JAML: variants seen among roughly 807,000 people sequenced by gnomAD.
The protein encoded by JAML is junction adhesion molecule like.
In JAML, 25 loss-of-function variants were observed where a neutral mutation model predicts 39.3. The ratio of observed to expected loss-of-function variants is 0.64; its 90% confidence interval spans 0.46 to 0.89. JAML has a LOEUF of 0.89. JAML is among the 40% of genes least tolerant of loss of function. The pLI is 0.00. For synonymous variants in JAML, 162 were observed against 179.2 expected (o/e 0.90, Z 0.77); for missense variants, 440 against 486.9 (o/e 0.90, Z 0.91).
At chr11:118,224,206 C>T (rs12295438) in intron 1 of JAML, 32,199 of 152,128 alleles carry the variant, frequency 0.21, 3,508 homozygotes, top group Middle Eastern at 0.28. Flanking sequence ...TAGGTCACAT[C>T]GGTTAATGCT....
intron 8 of JAML, chr11:118,197,500 T>C (rs1948683531): frequency 6.5e-6 from 1 of 153,198 alleles, no homozygotes; most frequent in Non-Finnish European, 1.5e-5. Flanking sequence ...AGAAAAGTCC[T>C]TCTTAATCCT....
intron 5 of JAML, chr11:118,204,814 A>G (rs964625426): frequency 6.6e-6 from 1 of 152,214 alleles, no homozygotes; most frequent in African/African-American, 2.4e-5. Flanking sequence ...TATTCTTCAT[A>G]TAGCAGATTC....
Position 118,200,594 on chromosome 11 carries a change from G to A in JAML, c.791C>T (p.Ala264Val). Residue 264 changes from alanine to valine, a missense_variant, in exon 7 of 10, where the codon GCC becomes GTC. Ala to Val is a moderately conservative substitution (Grantham distance 64). Coordinates refer to ENST00000356289, the MANE Select transcript of JAML (RefSeq NM_001098526.2). ...ACCACCCAAGACCAGAGGCCTCAGG[G>A]CTGCCGGGGTCACCAGTGCTTGGGA... ...EEPRTLVTPA[A>V]LRPLVLGGNQ... 1 of 1,614,104 alleles carries A rather than the reference G, an allele frequency of 6.2e-7. No homozygotes were observed. Among genetic ancestry groups the A allele is most frequent in the Non-Finnish European group, 8.5e-7 (1 of 1,180,014 alleles).
intron 6 of JAML, chr11:118,200,841 G>A: frequency 2.2e-6 from 1 of 457,838 alleles, no homozygotes; most frequent in Admixed American, 3.5e-5. Flanking sequence ...GAAGAGGCTA[G>A]CAGTTCACCT....
Position 118,222,109 on chromosome 11 carries a change from A to C in JAML, c.-21+2832T>G, listed in dbSNP as rs1949216114. Among the ~76,000 whole-genome samples the C allele has an allele frequency of 6.6e-6, 1 of 152,220 alleles. No homozygotes were observed. The highest frequency in any genetic ancestry group is 2.4e-5 in the African/African-American group (1 of 41,448). On this transcript the variant is annotated intron_variant, in intron 1 of 9. Transcript: ENST00000356289. The surrounding 1 kb of genome is among the most constrained non-coding windows in gnomAD (Gnocchi z 4.2). ...GACGATATTTGGGCTGTATGTATAC[A>C]GATATTGTTTTAAAAGCCCCTGCTG...
intron 3 of JAML, among the ~76,000 whole-genome samples, chr11:118,211,463 G>T (rs536732737): frequency 6.6e-6 from 1 of 152,164 alleles, no homozygotes; most frequent in South Asian, 2.1e-4. Context: ...GCCCATGCTG[G>T]TCTCAAACTC....
At chr11:118,195,297 G>T (rs1225954932) in intron 9 of JAML, among the ~76,000 whole-genome samples, 1 of 152,034 alleles carries the variant, frequency 6.6e-6, no homozygotes, top group African/African-American at 2.4e-5. Context: ...TGTTTCACTC[G>T]GTGGATCCAG....
At chr11:118,205,202 T>C (rs1159628407) in intron 5 of JAML, 1 of 152,258 alleles carries the variant, frequency 6.6e-6, no homozygotes, top group Non-Finnish European at 1.5e-5. Context: ...TTATAAAAGT[T>C]AGTCTTTACT....
Position 118,199,693 on chromosome 11 carries a change from A to ATT in JAML, c.911+779_911+780dup, listed in dbSNP as rs34379845. ...TTAAAAGCACATTATTATTATTATTATTTTTTTTTTTTTTTTTTTTTGAGA... is the reference window on the plus strand; with the variant it reads ...TTAAAAGCACATTATTATTATTATTATTTTTTTTTTTTTTTTTTTTTTTGAGA... On this transcript the variant is annotated intron_variant, in intron 7 of 9. Coordinates refer to ENST00000356289, the MANE Select transcript of JAML (RefSeq NM_001098526.2). 1.1e-4 allele frequency among the ~76,000 whole-genome samples: 12 copies of ATT among 107,120 alleles called. 1 individual carries two copies. The highest frequency in any genetic ancestry group is 5.2e-4 in the East Asian group (2 of 3,862). 70.3% of individuals were successfully genotyped at this position (107,120 alleles called of 152,430 possible).
chr11:118,212,230 C>A (rs1314527194), intron 3 of JAML, among the ~76,000 whole-genome samples, 177 bp downstream of exon 3: 2 of 152,134 alleles, frequency 1.3e-5, no homozygotes, highest in Non-Finnish European at 2.9e-5. Context: ...ACTTACTTAC[C>A]CAGCTGATAA....
chr11:118,204,315 A>G (rs948749954), intron 5 of JAML: 1 of 154,020 alleles, frequency 6.5e-6, no homozygotes, highest in Non-Finnish European at 1.4e-5. Flanking sequence ...TCTCTATGAC[A>G]ATCTATTTTC....
At chr11:118,219,859 A>T (rs1949191535) in intron 1 of JAML, among the ~76,000 whole-genome samples, 1 of 152,162 alleles carries the variant, frequency 6.6e-6, no homozygotes, top group Non-Finnish European at 1.5e-5. Context: ...CTCCCTGTGG[A>T]CCAGAAGGTC....
intron 4 of JAML, 114 bp from the exon 5 acceptor site, chr11:118,206,105 A>T: frequency 1.2e-6 from 1 of 817,040 alleles, no homozygotes; most frequent in East Asian, 2.5e-5. Flanking sequence ...AATCGCTGTC[A>T]CCACCAAACA....
At position 118,223,224 on chromosome 11, in the gene JAML, G is replaced by T. The variant is rs1591484341; in HGVS notation, c.-21+1717C>A. On this transcript the variant is annotated intron_variant, in intron 1 of 9. Transcript: ENST00000356289. ...AGCAGGTTGGCTAAGATTTAAAGGGGATTACTTAGTTTTTCCATAGGTCGA... is the reference window on the plus strand; with the variant it reads ...AGCAGGTTGGCTAAGATTTAAAGGGTATTACTTAGTTTTTCCATAGGTCGA... 2.0e-5 allele frequency among the ~76,000 whole-genome samples: 3 copies of T among 152,036 alleles called. No homozygotes were observed. In the South Asian group the frequency reaches 6.2e-4, roughly 32 times the overall value.
intron 9 of JAML, among the ~76,000 whole-genome samples, chr11:118,195,790 A>G (rs909565586): frequency 6.6e-6 from 1 of 152,112 alleles, no homozygotes. Context: ...CAGCAACACA[A>G]TACTTGCCCA....
intron 5 of JAML, chr11:118,203,907 G>A (rs1275562563): frequency 4.3e-6 from 2 of 469,440 alleles, no homozygotes; most frequent in Non-Finnish European, 7.7e-6. Flanking sequence ...GATAAGAAAA[G>A]GAGGACTTTC....
At position 118,214,697 on chromosome 11, in the gene JAML, GTTCCACA is replaced by G. The variant is rs1241007687; in HGVS notation, c.43+120_43+126del. On this transcript the variant is annotated intron_variant, in intron 2 of 9. Transcript: ENST00000356289. ...ACAGCTGCTTCAACAAAACTGTGAA[GTTCCACA>G]TTAGGGTTTCCATCTTCAACAAACC... is the stretch of plus-strand genomic sequence containing the variant. The G allele has an allele frequency of 6.4e-5, 62 of 970,546 alleles. No individual in the cohort carries two copies. The East Asian group carries it at 1.4e-3, about 22-fold the overall frequency. The allele number at this position is 970,546 out of a possible 1,614,324, so 60.1% of individuals were successfully genotyped here.
intron 9 of JAML, 24 bp downstream of exon 9, chr11:118,196,711 A>C (rs648947): frequency 6.3e-7 from 1 of 1,592,350 alleles, no homozygotes; most frequent in Non-Finnish European, 8.6e-7. Flanking sequence ...CACCTGGCTC[A>C]GCTGAGGCCA....
intron 8 of JAML, 192 bp downstream of exon 8, chr11:118,197,806 T>C (rs1613643): frequency 3.6e-6 from 2 of 551,444 alleles, no homozygotes; most frequent in African/African-American, 1.9e-5. Context: ...CCTGGGGCTG[T>C]CCCAGCCGAC....
Sources: gnomAD v4.1 joint callset for allele counts (sites outside exome capture counted in the v4.1 genomes callset) on GRCh38, gnomAD v4.1.1 for gene constraint, Gnocchi (gnomAD v3.1) non-coding constraint, MANE v1.5 for transcripts, NCBI Gene and HGNC (gene_info 2026-07-23, HGNC 2026-07-21) for gene names.